INSR: variants seen among roughly 807,000 people sequenced by gnomAD.
The protein encoded by INSR is IR.
In INSR, 67 loss-of-function variants were observed where a neutral mutation model predicts 142.6. That is an observed-to-expected ratio of 0.47 (90% CI 0.39 to 0.58). INSR has a LOEUF of 0.58. Among genes scored for constraint, INSR ranks in the 20% least tolerant of loss-of-function variants. INSR has a pLI of 0.00. For synonymous variants in INSR, 756 were observed against 743.1 expected, an observed-to-expected ratio of 1.02 and a Z score of -0.28; for missense variants, 1,248 against 1,833.2, an observed-to-expected ratio of 0.68 and a Z score of 5.83.
intron 2 of INSR, among the ~76,000 whole-genome samples, chr19:7,228,830 A>T (rs758879177): frequency 9.2e-5 from 14 of 152,206 alleles, no homozygotes; most frequent in Non-Finnish European, 1.6e-4. Flanking sequence ...GAATGGACAC[A>T]TGGATGGGTG....
rs1452375664 is a variant in INSR at position 7,159,433 on chromosome 19, G to A, written c.2029+3599C>T. The A allele has an allele frequency of 6.6e-6, 1 of 151,742 alleles. No individual in the cohort carries two copies. Among genetic ancestry groups the A allele is most frequent in the East Asian group, 1.9e-4 (1 of 5,186 alleles). The allele number at this position is 151,742 out of a possible 1,614,324, so 9.4% of individuals were successfully genotyped here. On this transcript the variant is annotated intron_variant, in intron 9 of 21. Coordinates refer to ENST00000302850, the MANE Select transcript of INSR (RefSeq NM_000208.4). This position sits in a 1 kb window ranked among gnomAD's most constrained non-coding sequence, Gnocchi z 4.3. ...TGAAATCACACAGAATTTGTCCTTAGTGAGTTTCCTTTTAATGATATTAAC... is the reference window on the plus strand; with the variant it reads ...TGAAATCACACAGAATTTGTCCTTAATGAGTTTCCTTTTAATGATATTAAC...
intron 3 of INSR, among the ~76,000 whole-genome samples, chr19:7,177,702 A>ATTT (rs71177166): frequency 0.026 from 2,338 of 90,616 alleles, 88 homozygotes; most frequent in Non-Finnish European, 0.033. Flanking sequence ...CTAATTTTGT[A>ATTT]TTTTTTTTTT....
At chr19:7,126,089 C>A (rs1348073994) in intron 16 of INSR, among the ~76,000 whole-genome samples, 2 of 152,126 alleles carry the variant, frequency 1.3e-5, no homozygotes, top group Admixed American at 6.6e-5. Context: ...TACTAGGAAC[C>A]AACAGAGGAC....
At chr19:7,185,858 A>AAAG (rs1555747112) in intron 2 of INSR, among the ~76,000 whole-genome samples, 1 of 133,976 alleles carries the variant, frequency 7.5e-6, no homozygotes, top group Non-Finnish European at 1.6e-5. Flanking sequence ...AAAAAAAAAA[A>AAAG]AGAGAGAGAG....
At position 7,166,843 on chromosome 19, in the gene INSR, C is replaced by T. The variant is rs1361590246; in HGVS notation, c.1611-439G>A. Among the ~76,000 whole-genome samples, 1 of 152,028 alleles carries T rather than the reference C, an allele frequency of 6.6e-6. No homozygotes were observed. The highest frequency in any genetic ancestry group is 1.9e-4 in the East Asian group (1 of 5,186). ...GTTGAGGCAGGAGAATTGCTTGAAC[C>T]CGGGAGGCAGAGGTAGCATCAGCTG... On this transcript the variant is annotated intron_variant, in intron 7 of 21. Transcript: ENST00000302850. This position sits in a 1 kb window ranked among gnomAD's most constrained non-coding sequence, Gnocchi z 4.1.
intron 1 of INSR, among the ~76,000 whole-genome samples, chr19:7,286,508 C>T (rs1968348212): frequency 6.6e-6 from 1 of 151,890 alleles, no homozygotes; most frequent in South Asian, 2.1e-4. Context: ...CCACCTCAGC[C>T]TCCTGAGTAG....
intron 2 of INSR, among the ~76,000 whole-genome samples, chr19:7,212,488 G>A (rs995169295): frequency 2.4e-4 from 36 of 152,324 alleles, no homozygotes; most frequent in Admixed American, 3.3e-4. Flanking sequence ...TTTTGGAGGC[G>A]CTTCAATAGC....
intron 1 of INSR, among the ~76,000 whole-genome samples, chr19:7,288,612 C>A (rs1295445517): frequency 1.4e-5 from 2 of 147,560 alleles, no homozygotes; most frequent in Non-Finnish European, 3.0e-5. Flanking sequence ...GCACTCCAGC[C>A]TGGGTGACAG....
At chr19:7,151,094 C>T in intron 10 of INSR, among the ~76,000 whole-genome samples, 1 of 143,540 alleles carries the variant, frequency 7.0e-6, no homozygotes, top group Admixed American at 7.2e-5. Flanking sequence ...TCCTTCCTTC[C>T]CTCCTCTCTC....
At chr19:7,179,528 G>A (rs1027753889) in intron 3 of INSR, among the ~76,000 whole-genome samples, 1 of 152,216 alleles carries the variant, frequency 6.6e-6, no homozygotes, top group South Asian at 2.1e-4. Flanking sequence ...TTATTATGTG[G>A]CAGGCAATGC....
chr19:7,150,616 G>T lies in INSR; in HGVS notation c.2232-84C>A. 7.3e-7 allele frequency: 1 copy of T among 1,361,930 alleles called. No individual in the cohort carries two copies. Among genetic ancestry groups the T allele is most frequent in the Non-Finnish European group, 1.0e-6 (1 of 954,754 alleles). The allele number at this position is 1,361,930 out of a possible 1,614,324, so 84.4% of individuals were successfully genotyped here. Reference sequence around the variant, plus strand: ...GGGCTCTGACACTTGGAGGCCACATGTGTCCGAGTAAGGGCACCCTGGCTT... The same window carrying T: ...GGGCTCTGACACTTGGAGGCCACATTTGTCCGAGTAAGGGCACCCTGGCTT... On this transcript the variant is annotated intron_variant, in intron 10 of 21. Transcript: ENST00000302850. The surrounding 1 kb of genome is among the most constrained non-coding windows in gnomAD (Gnocchi z 4.2).
intron 9 of INSR, among the ~76,000 whole-genome samples, chr19:7,156,879 C>T (rs1220898463): frequency 6.6e-6 from 1 of 150,800 alleles, no homozygotes; most frequent in Admixed American, 6.6e-5. Flanking sequence ...ACCTCTGCCT[C>T]CTGGGTTCAA....
At position 7,119,686 on chromosome 19, in the gene INSR, A is replaced by G. The variant is rs1348716044; in HGVS notation, c.3660-103T>C. 1.6e-6 allele frequency: 2 copies of G among 1,219,762 alleles called. No individual in the cohort carries two copies. The highest frequency in any genetic ancestry group is 1.2e-5 in the South Asian group (1 of 81,662). The allele number at this position is 1,219,762 out of a possible 1,614,324, so 75.6% of individuals were successfully genotyped here. On this transcript the variant is annotated intron_variant, in intron 20 of 21. Coordinates refer to ENST00000302850, the MANE Select transcript of INSR (RefSeq NM_000208.4). The surrounding 1 kb of genome is among the most constrained non-coding windows in gnomAD (Gnocchi z 5.2). ...CGCAAACGCACACACACACGCAAAC[A>G]CACATGCCAACACATACATGCAAAC...
intron 2 of INSR, among the ~76,000 whole-genome samples, chr19:7,249,754 A>T (rs2145170207): frequency 6.6e-6 from 1 of 152,284 alleles, no homozygotes; most frequent in East Asian, 1.9e-4. Context: ...GCACTTTGGG[A>T]GGCCAAGGAG....
intron 2 of INSR, among the ~76,000 whole-genome samples, chr19:7,191,346 A>G (rs868104660): frequency 2.2e-5 from 3 of 134,436 alleles, no homozygotes; most frequent in Admixed American, 1.5e-4. Flanking sequence ...AAAGAAAGAA[A>G]GGAGGGAGGG....
chr19:7,115,813 C>G lies in INSR; in HGVS notation c.*1243G>C, dbSNP rs1382547314. 6.6e-6 allele frequency: 1 copy of G among 152,238 alleles called. No homozygotes were observed. Among genetic ancestry groups the G allele is most frequent in the Non-Finnish European group, 1.5e-5 (1 of 68,074 alleles). The allele number at this position is 152,238 out of a possible 1,614,324, so 9.4% of individuals were successfully genotyped here. On this transcript the variant is annotated 3_prime_UTR_variant, in exon 22 of 22. Coordinates refer to ENST00000302850, the MANE Select transcript of INSR (RefSeq NM_000208.4). The stretch of plus-strand genomic sequence containing the variant: ...AACCAGACCATCCATAAAACCTAGT[C>G]TCTCACACACTCCACGTGGCCTCAC...
intron 20 of INSR, 70 bp downstream of exon 20, chr19:7,120,550 C>T: frequency 6.3e-7 from 1 of 1,597,232 alleles, no homozygotes; most frequent in South Asian, 1.1e-5. Flanking sequence ...CTTCCTTCCC[C>T]CGCTCTTGGC....
At chr19:7,215,347 A>G (rs1259188051) in intron 2 of INSR, among the ~76,000 whole-genome samples, 48 of 151,982 alleles carry the variant, frequency 3.2e-4, no homozygotes, top group Non-Finnish European at 4.4e-5. Flanking sequence ...ATCTGGGGTT[A>G]AGAATCACTC....
chr19:7,123,862 G>T (rs1972554909), intron 17 of INSR, among the ~76,000 whole-genome samples: 1 of 152,084 alleles, frequency 6.6e-6, no homozygotes, highest in Admixed American at 6.5e-5. Flanking sequence ...GGCAGAGGTT[G>T]CAGTGAGCCG....
Sources: gnomAD v4.1 joint callset for allele counts (sites outside exome capture counted in the v4.1 genomes callset) on GRCh38, gnomAD v4.1.1 for gene constraint, Gnocchi (gnomAD v3.1) non-coding constraint, MANE v1.5 for transcripts, NCBI Gene and HGNC (gene_info 2026-07-23, HGNC 2026-07-21) for gene names.